The following RAB3IL1 variants were observed in gnomAD, a reference collection of about 807,000 sequenced individuals.
RAB3IL1 encodes RAB3A interacting protein like 1, also known as guanine nucleotide exchange factor for Rab-3A.
A neutral mutation model predicts 49.2 loss-of-function variants in RAB3IL1; 37 were observed. The ratio of observed to expected loss-of-function variants is 0.75; its 90% CI spans 0.58 to 0.99. The LOEUF (loss-of-function observed/expected upper bound fraction) is 0.99, where lower values mean the gene tolerates loss of function less well. RAB3IL1 is among the 50% of genes least tolerant of loss of function. The probability of loss-of-function intolerance (pLI) is 0.00; values close to 1 mark genes in which losing one functional copy is unlikely to be tolerated. For missense variants in RAB3IL1, 484 were observed against 513.0 expected (o/e 0.94, Z 0.55); for synonymous variants, 193 against 213.9 (o/e 0.90, Z 0.85).
chr11:61,902,598 C>A (rs1938977355), intron 7 of RAB3IL1, 57 bp from the exon 8 acceptor site: 1 of 1,431,882 alleles, frequency 7.0e-7, no homozygotes, highest in Admixed American at 2.0e-5. Flanking sequence ...CTCTCCCTCA[C>A]CCCTGCATAC....
At chr11:61,904,969 G>C in intron 5 of RAB3IL1, 87 bp from the exon 6 acceptor site, 1 of 1,015,904 alleles carries the variant, frequency 9.8e-7, no homozygotes, top group African/African-American at 1.6e-5. Context: ...GGGAGCGAGG[G>C]AGGACGTGGG....
the RAB3IL1 span, among the ~76,000 whole-genome samples, chr11:61,941,683 C>T: frequency 1.3e-5 from 2 of 151,836 alleles, no homozygotes; most frequent in Non-Finnish European, 2.9e-5. Context: ...ACCCAGGAGG[C>T]GGAGCTTGCA....
chr11:61,918,727 G>C (rs1939814984), upstream of RAB3IL1, among the ~76,000 whole-genome samples: 1 of 152,228 alleles, frequency 6.6e-6, no homozygotes, highest in Non-Finnish European at 1.5e-5. Flanking sequence ...GCACAGCAAG[G>C]TATGGAATCT....
At position 61,914,915 on chromosome 11, in the gene RAB3IL1, A is replaced by G. The variant is rs966755271; in HGVS notation, c.11+2442T>C. On this transcript the variant is annotated intron_variant, in intron 1 of 9. Coordinates refer to ENST00000394836, the MANE Select transcript of RAB3IL1 (RefSeq NM_013401.4). Reference sequence around the variant, plus strand: ...CAGAGCTGTCATCAGACTTGGTCAGAGTAACCTGGCAAGTATGACTCTGAA... The same window carrying G: ...CAGAGCTGTCATCAGACTTGGTCAGGGTAACCTGGCAAGTATGACTCTGAA... Among the ~76,000 whole-genome samples, 5 of 152,310 alleles carry G rather than the reference A, an allele frequency of 3.3e-5. No homozygotes were observed. The East Asian group carries it at 9.6e-4, about 29-fold the overall frequency.
rs1938705575 is a variant in RAB3IL1 at position 61,898,128 on chromosome 11, T to TGGCTCAGTGCTGCC, written c.*136_*149dup. The TGGCTCAGTGCTGCC allele has an allele frequency of 1.4e-6, 1 of 713,938 alleles. No individual in the cohort carries two copies. Among genetic ancestry groups the TGGCTCAGTGCTGCC allele is most frequent in the African/African-American group, 1.8e-5 (1 of 56,772 alleles). 44.2% of individuals were successfully genotyped at this position (713,938 alleles called of 1,614,324 possible). On this transcript the variant is annotated 3_prime_UTR_variant, in exon 10 of 10. Transcript: ENST00000394836. The surrounding 1 kb of genome is among the most constrained non-coding windows in gnomAD (Gnocchi z 5.1). ...CTGTCCCAGGATGGACGTGTGGTGC[T>TGGCTCAGTGCTGCC]GGCTCAGTGCTGCCTCCATGGCCTG...
chr11:61,927,141 G>C, the RAB3IL1 span, among the ~76,000 whole-genome samples: 2 of 152,172 alleles, frequency 1.3e-5, no homozygotes, highest in South Asian at 4.1e-4. Context: ...AACGCACCCA[G>C]CCAGATCTGA....
At chr11:61,912,111 C>G (rs1939478344) in intron 1 of RAB3IL1, among the ~76,000 whole-genome samples, 1 of 152,166 alleles carries the variant, frequency 6.6e-6, no homozygotes, top group African/African-American at 2.4e-5. Flanking sequence ...TGGATTCATT[C>G]AATAAGCAGG....
upstream of RAB3IL1, among the ~76,000 whole-genome samples, chr11:61,921,558 G>A (rs181181974): frequency 5.3e-5 from 8 of 152,074 alleles, no homozygotes; most frequent in Middle Eastern, 3.4e-3. Flanking sequence ...TCCTCTGCAG[G>A]CACCAGAGCC....
At chr11:61,942,256 G>A in the RAB3IL1 span, among the ~76,000 whole-genome samples, 1 of 152,126 alleles carries the variant, frequency 6.6e-6, no homozygotes, top group East Asian at 1.9e-4. Flanking sequence ...ATGCTTGAAG[G>A]CAGCATGATC....
chr11:61,914,118 T>C (rs1939579408), intron 1 of RAB3IL1, among the ~76,000 whole-genome samples: 1 of 152,200 alleles, frequency 6.6e-6, no homozygotes, highest in Non-Finnish European at 1.5e-5. Flanking sequence ...TCTCACGGCC[T>C]CTAGTCCCCT....
chr11:61,899,392 G>C lies in RAB3IL1; in HGVS notation c.1000-12C>G. The C allele has an allele frequency of 6.2e-7, 1 of 1,607,158 alleles. No individual in the cohort carries two copies. The highest frequency in any genetic ancestry group is 8.5e-7 in the Non-Finnish European group (1 of 1,179,066). On this transcript the variant is annotated splice_polypyrimidine_tract_variant and intron_variant, in intron 8 of 9. Coordinates refer to ENST00000394836, the MANE Select transcript of RAB3IL1 (RefSeq NM_013401.4). ...CACACTGCGGTGATCTGTGGGCAGAGGTGGGGACGGTGTGACCTGCCAGCC... is the reference window on the plus strand; with the variant it reads ...CACACTGCGGTGATCTGTGGGCAGACGTGGGGACGGTGTGACCTGCCAGCC...
intron 1 of RAB3IL1, among the ~76,000 whole-genome samples, chr11:61,915,973 G>A (rs1458040881): frequency 6.6e-6 from 1 of 150,782 alleles, no homozygotes. Context: ...GGGAGGTGGA[G>A]CTTGCACTGA....
intron 1 of RAB3IL1, among the ~76,000 whole-genome samples, chr11:61,912,113 A>G (rs1479930910): frequency 1.3e-5 from 2 of 152,238 alleles, no homozygotes. Context: ...GATTCATTCA[A>G]TAAGCAGGGG....
intron 1 of RAB3IL1, among the ~76,000 whole-genome samples, 174 bp downstream of exon 1, chr11:61,917,183 G>A (rs1414851779): frequency 6.6e-6 from 1 of 151,874 alleles, no homozygotes; most frequent in East Asian, 1.9e-4. Context: ...AGACACCCCC[G>A]ACCCCTCCCC....
At chr11:61,935,290 C>T in the RAB3IL1 span, among the ~76,000 whole-genome samples, 11 of 151,378 alleles carry the variant, frequency 7.3e-5, no homozygotes, top group East Asian at 7.9e-4. Flanking sequence ...TGTGGTGGCA[C>T]GCACCTGTGA....
In RAB3IL1 at chr11:61,902,445, G is replaced by A; in HGVS notation, c.996C>T (p.Ala332=). 5.0e-6 allele frequency: 8 copies of A among 1,587,804 alleles called. No individual in the cohort carries two copies. The highest frequency in any genetic ancestry group is 6.8e-6 in the Non-Finnish European group (8 of 1,168,834). Reference sequence around the variant, plus strand: ...ACGCTTGCAAAGGCTGACTCACCCTGGCCCGGGAAGATGGCGAGATGTAGT... The same window carrying A: ...ACGCTTGCAAAGGCTGACTCACCCTAGCCCGGGAAGATGGCGAGATGTAGT... The part of the protein sequence containing the change: ...SHYYISPSSR[A]RITAVCNFFT... Residue 332 remains alanine, a synonymous_variant, in exon 8 of 10, where the codon GCC becomes GCT. Coordinates refer to ENST00000394836, the MANE Select transcript of RAB3IL1 (RefSeq NM_013401.4).
chr11:61,900,828 G>A (rs979106342), intron 8 of RAB3IL1, among the ~76,000 whole-genome samples: 3 of 152,202 alleles, frequency 2.0e-5, no homozygotes, highest in Non-Finnish European at 4.4e-5. Flanking sequence ...AGTGCTAGAG[G>A]TGACATTGTT....
intron 8 of RAB3IL1, among the ~76,000 whole-genome samples, chr11:61,900,397 G>A (rs758233713): frequency 4.6e-5 from 7 of 152,256 alleles, no homozygotes; most frequent in Non-Finnish European, 1.0e-4. Context: ...CATCAAGTGA[G>A]AGGGGCACCC....
intron 1 of RAB3IL1, 112 bp downstream of exon 1, chr11:61,917,237 GGGGCGCAC>G (rs1333713569): frequency 2.7e-5 from 35 of 1,282,652 alleles, no homozygotes; most frequent in Middle Eastern, 3.1e-4. Context: ...AGGCAGGGCG[GGGGCGCAC>G]AGCACCTCCG....
Sources: allele counts gnomAD v4.1 joint callset (sites outside exome capture counted in the v4.1 genomes callset), GRCh38; gene constraint gnomAD v4.1.1; non-coding constraint Gnocchi (gnomAD v3.1); transcripts MANE v1.5; gene names NCBI Gene and HGNC (gene_info 2026-07-23, HGNC 2026-07-21).